FBXL7: variants seen among roughly 807,000 people sequenced by gnomAD.
FBXL7 encodes the protein F-box/LRR-repeat protein 7.
A neutral mutation model predicts 38.3 loss-of-function variants in FBXL7; 12 were observed. The observed-to-expected ratio is 0.31, with a 90% CI of 0.20 to 0.51. The LOEUF is 0.51. Ranked by LOEUF, FBXL7 falls within the 20% of genes least tolerant of loss-of-function variation. The pLI is 0.98. For synonymous variants in FBXL7, 297 were observed against 300.9 expected, an observed-to-expected ratio of 0.99 and a Z score of 0.13; for missense variants, 567 against 676.4, an observed-to-expected ratio of 0.84 and a Z score of 1.79.
intron 2 of FBXL7, among the ~76,000 whole-genome samples, chr5:15,683,212 C>T (rs918077859): frequency 2.0e-5 from 3 of 152,198 alleles, no homozygotes; most frequent in Non-Finnish European, 4.4e-5. Flanking sequence ...TTCAAGCCCT[C>T]AACTCCCAGG....
chr5:15,522,807 C>G (rs575676859), intron 1 of FBXL7, among the ~76,000 whole-genome samples: 15 of 152,350 alleles, frequency 9.8e-5, no homozygotes, highest in African/African-American at 3.1e-4. Flanking sequence ...CCCAAAGTCT[C>G]TTTCTACTTT....
intron 2 of FBXL7, among the ~76,000 whole-genome samples, chr5:15,734,556 T>C (rs1348053907): frequency 6.6e-6 from 1 of 152,232 alleles, no homozygotes; most frequent in Admixed American, 6.5e-5. Flanking sequence ...AACCATCAGT[T>C]ATGTCCATTA....
At chr5:15,895,735 C>G (rs1741081088) in intron 2 of FBXL7, among the ~76,000 whole-genome samples, 1 of 149,506 alleles carries the variant, frequency 6.7e-6, no homozygotes, top group Admixed American at 6.7e-5. Flanking sequence ...ACTCTGCCTC[C>G]TGGGTTCACG....
At chr5:15,574,570 G>A (rs1261010897) in intron 1 of FBXL7, among the ~76,000 whole-genome samples, 1 of 152,142 alleles carries the variant, frequency 6.6e-6, no homozygotes, top group South Asian at 2.1e-4. Context: ...TAAGCCAGTA[G>A]CTTCGTTATT....
chr5:15,882,740 C>T (rs1303354924), intron 2 of FBXL7, among the ~76,000 whole-genome samples: 1 of 152,266 alleles, frequency 6.6e-6, no homozygotes, highest in East Asian at 1.9e-4. Context: ...CATATGGGCA[C>T]AGTTCATTCT....
intron 2 of FBXL7, among the ~76,000 whole-genome samples, chr5:15,869,305 A>T (rs1211136076): frequency 6.6e-6 from 1 of 152,200 alleles, no homozygotes; most frequent in Non-Finnish European, 1.5e-5. Context: ...ACCAGGAAGC[A>T]GGCATTTGGG....
intron 2 of FBXL7, among the ~76,000 whole-genome samples, chr5:15,894,013 C>T (rs1356769433): frequency 3.3e-5 from 5 of 152,358 alleles, no homozygotes; most frequent in East Asian, 1.9e-4. Flanking sequence ...CCCAGCCAGG[C>T]GCGGTGGCTT....
intron 2 of FBXL7, among the ~76,000 whole-genome samples, chr5:15,839,306 C>G (rs944363633): frequency 6.6e-6 from 1 of 151,910 alleles, no homozygotes; most frequent in African/African-American, 2.4e-5. Context: ...AAAAATAATT[C>G]TCTCCCCTGA....
chr5:15,636,074 G>A (rs773661835), intron 2 of FBXL7, among the ~76,000 whole-genome samples: 6 of 151,358 alleles, frequency 4.0e-5, no homozygotes, highest in Non-Finnish European at 8.8e-5. Flanking sequence ...CCACACGAGT[G>A]GGCAATGGGC....
intron 2 of FBXL7, among the ~76,000 whole-genome samples, chr5:15,779,734 C>T (rs948364689): frequency 6.6e-6 from 1 of 152,136 alleles, no homozygotes; most frequent in Non-Finnish European, 1.5e-5. Context: ...TAGATACAGT[C>T]AGCAAATTAA....
chr5:15,682,820 T>C (rs1742890423), intron 2 of FBXL7, among the ~76,000 whole-genome samples: 1 of 152,216 alleles, frequency 6.6e-6, no homozygotes, highest in African/African-American at 2.4e-5. Flanking sequence ...CTGAAGTATT[T>C]ATGTCTGATT....
chr5:15,863,163 A>T (rs1739552947), intron 2 of FBXL7, among the ~76,000 whole-genome samples: 1 of 152,182 alleles, frequency 6.6e-6, no homozygotes, highest in South Asian at 2.1e-4. Flanking sequence ...TCTAAATTAG[A>T]TTTCATTTTA....
chr5:15,862,388 T>C (rs1197637803), intron 2 of FBXL7, among the ~76,000 whole-genome samples: 1 of 152,226 alleles, frequency 6.6e-6, no homozygotes, highest in Non-Finnish European at 1.5e-5. Flanking sequence ...CTTTCATTTG[T>C]AAATTGCCCT....
chr5:15,634,074 C>T (rs1375044195), intron 2 of FBXL7, among the ~76,000 whole-genome samples: 1 of 151,926 alleles, frequency 6.6e-6, no homozygotes, highest in Non-Finnish European at 1.5e-5. Context: ...AGCCACCACA[C>T]CCAGCTGGGG....
At chr5:15,832,898 C>T (rs185406) in intron 2 of FBXL7, among the ~76,000 whole-genome samples, 80,792 of 151,654 alleles carry the variant, frequency 0.53, 22,755 homozygotes, top group Non-Finnish European at 0.63. Flanking sequence ...TGGAAAGGAC[C>T]CGGTGGGAGG....
chr5:15,575,426 G>A (rs1225569338), intron 1 of FBXL7, among the ~76,000 whole-genome samples: 1 of 152,072 alleles, frequency 6.6e-6, no homozygotes, highest in Non-Finnish European at 1.5e-5. Flanking sequence ...ACACAAACAA[G>A]AGTGTTTTCT....
At chr5:15,869,136 A>G (rs540580797) in intron 2 of FBXL7, among the ~76,000 whole-genome samples, 23 of 152,296 alleles carry the variant, frequency 1.5e-4, no homozygotes, top group South Asian at 1.5e-3. Context: ...AAAATGGACA[A>G]GCCTAGAAGG....
At position 15,500,637 on chromosome 5, in the gene FBXL7, A is replaced by G. The variant is rs1192418934; in HGVS notation, c.-40A>G. ...AGCGCGCAGGACGTGCGCCGCAGCT[A>G]TGGAGTGTCCCGGGAGACGGCGGGC... On this transcript the variant is annotated 5_prime_UTR_variant, in exon 1 of 4. It removes an upstream start codon present in the reference 5' UTR. Coordinates refer to ENST00000504595, the MANE Select transcript of FBXL7 (RefSeq NM_012304.5). The G allele has an allele frequency of 6.2e-7, 1 of 1,613,090 alleles. No individual in the cohort carries two copies. The highest frequency in any genetic ancestry group is 1.3e-5 in the African/African-American group (1 of 74,990).
At chr5:15,811,362 T>C (rs189803007) in intron 2 of FBXL7, among the ~76,000 whole-genome samples, 28 of 152,270 alleles carry the variant, frequency 1.8e-4, no homozygotes, top group Admixed American at 1.6e-3. Flanking sequence ...TTCTGAAGTG[T>C]CTTTCCTTGG....
Sources: allele counts gnomAD v4.1 joint callset (sites outside exome capture counted in the v4.1 genomes callset), GRCh38; gene constraint gnomAD v4.1.1; transcripts MANE v1.5; gene names NCBI Gene and HGNC (gene_info 2026-07-23, HGNC 2026-07-21).